Variants in ZBTB20 observed in about 807,000 individuals in gnomAD.
ZBTB20 encodes the protein zinc finger and BTB domain-containing protein 20.
In ZBTB20, 9 loss-of-function variants were observed where a neutral mutation model predicts 56.9. The ratio of observed to expected loss-of-function variants is 0.16; its 90% confidence interval spans 0.10 to 0.28. The LOEUF (loss-of-function observed/expected upper bound fraction) is 0.28, where lower values mean the gene tolerates loss of function less well. ZBTB20 is among the 10% of genes least tolerant of loss of function. The pLI is 1.00. For missense variants in ZBTB20, 655 were observed against 1,003.0 expected (o/e 0.65, Z 4.69); for synonymous variants, 417 against 420.7 (o/e 0.99, Z 0.11).
chr3:114,326,910 A>G lies in ZBTB20; in HGVS notation c.*12095T>C, dbSNP rs879773146. On this transcript the variant is annotated 3_prime_UTR_variant, in exon 12 of 12. Coordinates refer to ENST00000675478, the MANE Select transcript of ZBTB20 (RefSeq NM_001348800.3). The stretch of plus-strand genomic sequence containing the variant: ...ATATTTGTAAATTCTAGAGCTACAT[A>G]TCTGTAAAATAAGATGCAGACTTTC... The G allele has an allele frequency of 1.3e-5, 2 of 152,160 alleles. No individual in the cohort carries two copies. The highest frequency in any genetic ancestry group is 2.9e-5 in the Non-Finnish European group (2 of 68,030). 9.4% of individuals were successfully genotyped at this position (152,160 alleles called of 1,614,324 possible). A position where few individuals can be genotyped will look rare whatever the true frequency, so the allele number is the denominator to read the frequency against.
chr3:115,095,609 G>C (rs2083352589), intron 1 of ZBTB20, among the ~76,000 whole-genome samples: 1 of 152,068 alleles, frequency 6.6e-6, no homozygotes, highest in African/African-American at 2.4e-5. Context: ...TTTCTTATAA[G>C]CCCTTGAATG....
At chr3:114,641,254 T>G (rs1419690123) in intron 6 of ZBTB20, among the ~76,000 whole-genome samples, 2 of 151,972 alleles carry the variant, frequency 1.3e-5, no homozygotes, top group East Asian at 3.9e-4. Context: ...TTAACTGTAA[T>G]CACCTTTGAC....
chr3:114,414,719 TA>T (rs2088340177), intron 7 of ZBTB20, among the ~76,000 whole-genome samples: 1 of 147,694 alleles, frequency 6.8e-6, no homozygotes, highest in Non-Finnish European at 1.5e-5. Context: ...TATATTTATA[TA>T]AAATATATAA....
intron 7 of ZBTB20, chr3:114,419,296 C>T (rs1255233278): frequency 6.6e-6 from 1 of 152,060 alleles, no homozygotes; most frequent in Non-Finnish European, 1.5e-5. Context: ...ACTTGAAAAC[C>T]AGGACTGCTC....
chr3:114,671,543 T>C (rs559044554), intron 6 of ZBTB20, among the ~76,000 whole-genome samples: 1 of 152,116 alleles, frequency 6.6e-6, no homozygotes, highest in African/African-American at 2.4e-5. Context: ...ATTTTCCAAA[T>C]GTATCTCTCT....
Position 114,968,871 on chromosome 3 carries a change from A to G in ZBTB20, c.-456+5495T>C, listed in dbSNP as rs984669642. ...ACGACTCATCTTGGATGCAAATATTACCACACCTAGCTTCATCTCAAAGCC... is the reference window on the plus strand; with the variant it reads ...ACGACTCATCTTGGATGCAAATATTGCCACACCTAGCTTCATCTCAAAGCC... On this transcript the variant is annotated intron_variant, in intron 3 of 11. Transcript: ENST00000675478. 3.7e-4 allele frequency among the ~76,000 whole-genome samples: 57 copies of G among 152,178 alleles called. 1 individual carries two copies. Among genetic ancestry groups the G allele is most frequent in the African/African-American group, 1.4e-3 (57 of 41,452 alleles).
chr3:115,041,852 T>C (rs143943219), intron 2 of ZBTB20, among the ~76,000 whole-genome samples: 1,567 of 152,300 alleles, frequency 0.01, 19 homozygotes, highest in Non-Finnish European at 0.012. Flanking sequence ...TAGAATTGTT[T>C]ATTTAGTAGT....
At chr3:114,386,191 T>C (rs2085101355) in intron 8 of ZBTB20, among the ~76,000 whole-genome samples, 2 of 152,204 alleles carry the variant, frequency 1.3e-5, no homozygotes, top group Non-Finnish European at 2.9e-5. Flanking sequence ...TTTCTTGCAA[T>C]TTATCATTTC....
intron 3 of ZBTB20, among the ~76,000 whole-genome samples, chr3:114,926,270 G>A (rs944155301): frequency 1.2e-4 from 18 of 152,152 alleles, no homozygotes; most frequent in African/African-American, 4.3e-4. Flanking sequence ...TTCATCTCAT[G>A]ACATTTGCTT....
intron 7 of ZBTB20, among the ~76,000 whole-genome samples, chr3:114,486,145 G>T (rs926868392): frequency 1.9e-5 from 2 of 105,684 alleles, no homozygotes; most frequent in Non-Finnish European, 4.1e-5. Flanking sequence ...TGTGGGGGGG[G>T]GGGGCGGTGT....
intron 2 of ZBTB20, among the ~76,000 whole-genome samples, chr3:115,038,619 G>A (rs918968477): frequency 1.3e-5 from 2 of 151,950 alleles, no homozygotes; most frequent in Admixed American, 1.3e-4. Flanking sequence ...TTATAAAACT[G>A]CAGCTAAATT....
At chr3:114,380,098 TG>T in intron 10 of ZBTB20, 118 bp downstream of exon 10, 1 of 1,100,130 alleles carries the variant, frequency 9.1e-7, no homozygotes, top group Non-Finnish European at 1.2e-6. Flanking sequence ...ACATTACTTT[TG>T]GCTGCTTTAG....
intron 7 of ZBTB20, among the ~76,000 whole-genome samples, chr3:114,476,351 A>G (rs2040763962): frequency 1.3e-5 from 2 of 152,240 alleles, no homozygotes. Context: ...TATTCTTCCT[A>G]CTTTTGTATA....
chr3:114,762,824 T>C (rs2068531525), intron 5 of ZBTB20, among the ~76,000 whole-genome samples: 1 of 152,230 alleles, frequency 6.6e-6, no homozygotes, highest in Non-Finnish European at 1.5e-5. Flanking sequence ...GATACCTGGA[T>C]TGGTTACAAC....
chr3:114,715,441 A>T (rs1183139502), intron 5 of ZBTB20, among the ~76,000 whole-genome samples: 2 of 152,210 alleles, frequency 1.3e-5, no homozygotes, highest in Non-Finnish European at 2.9e-5. Context: ...GCTCAGAGAA[A>T]TGGTACATTC....
At chr3:114,782,686 A>G (rs1360972854) in intron 5 of ZBTB20, among the ~76,000 whole-genome samples, 1 of 152,176 alleles carries the variant, frequency 6.6e-6, no homozygotes, top group East Asian at 1.9e-4. Context: ...GTGTTGTGGG[A>G]GATGAGAGAA....
chr3:114,613,926 A>T, intron 6 of ZBTB20, among the ~76,000 whole-genome samples: 1 of 152,186 alleles, frequency 6.6e-6, no homozygotes, highest in East Asian at 1.9e-4. Context: ...TAAATATTTT[A>T]CATTTATTAG....
chr3:114,521,899 C>A (rs960181177), intron 6 of ZBTB20, among the ~76,000 whole-genome samples: 1 of 152,062 alleles, frequency 6.6e-6, no homozygotes, highest in African/African-American at 2.4e-5. Context: ...TAATAAAACA[C>A]CTCCAAACCC....
chr3:114,851,930 C>T (rs763686172), intron 4 of ZBTB20, among the ~76,000 whole-genome samples: 2 of 152,032 alleles, frequency 1.3e-5, no homozygotes, highest in Non-Finnish European at 2.9e-5. Flanking sequence ...TATCAATTCG[C>T]AGGAGCTCTT....
Sources: gnomAD v4.1 joint callset for allele counts (sites outside exome capture counted in the v4.1 genomes callset) on GRCh38, gnomAD v4.1.1 for gene constraint, MANE v1.5 for transcripts, NCBI Gene and HGNC (gene_info 2026-07-23, HGNC 2026-07-21) for gene names.